Variants in DPP6 observed in about 807,000 individuals in gnomAD.
DPP6 encodes the protein dipeptidyl peptidase like 6.
A neutral mutation model predicts 122.6 loss-of-function variants in DPP6; 69 were observed. The ratio of observed to expected loss-of-function variants is 0.56; its 90% confidence interval spans 0.46 to 0.69. The LOEUF (loss-of-function observed/expected upper bound fraction) is 0.69, where lower values mean the gene tolerates loss of function less well. Ranked by LOEUF, DPP6 falls within the 30% of genes least tolerant of loss-of-function variation. The probability of loss-of-function intolerance (pLI) is 0.00; values close to 1 mark genes in which losing one functional copy is unlikely to be tolerated. For synonymous variants in DPP6, 418 were observed against 433.1 expected (o/e 0.97, Z 0.43); for missense variants, 928 against 1,116.9 (o/e 0.83, Z 2.41).
intron 1 of DPP6, among the ~76,000 whole-genome samples, chr7:154,154,810 C>T (rs73729288): frequency 0.023 from 3,510 of 152,312 alleles, 123 homozygotes; most frequent in African/African-American, 0.077. Flanking sequence ...TGCACACACA[C>T]CAAAGCTCAG....
intron 8 of DPP6, among the ~76,000 whole-genome samples, chr7:154,742,427 C>G (rs1842857545): frequency 6.6e-6 from 1 of 152,230 alleles, no homozygotes; most frequent in African/African-American, 2.4e-5. Context: ...TGATTTAAAA[C>G]TGCAGAAACA....
At chr7:153,809,312 A>G in the DPP6 span, among the ~76,000 whole-genome samples, 1 of 152,072 alleles carries the variant, frequency 6.6e-6, no homozygotes, top group African/African-American at 2.4e-5. Context: ...TCTGCTTTTC[A>G]GTGCCTTAAA....
chr7:154,677,731 A>G (rs1473233849), intron 7 of DPP6, among the ~76,000 whole-genome samples: 1 of 152,184 alleles, frequency 6.6e-6, no homozygotes, highest in Non-Finnish European at 1.5e-5. Context: ...AGCAGCACAG[A>G]GCCAGCGTGA....
intron 1 of DPP6, among the ~76,000 whole-genome samples, chr7:153,890,541 A>C (rs1218013982): frequency 6.6e-6 from 1 of 152,210 alleles, no homozygotes; most frequent in Non-Finnish European, 1.5e-5. Context: ...AAAATGTTTT[A>C]TTCCTCACAT....
intron 1 of DPP6, among the ~76,000 whole-genome samples, chr7:153,891,602 A>G (rs1799207433): frequency 6.6e-6 from 1 of 152,104 alleles, no homozygotes; most frequent in Non-Finnish European, 1.5e-5. Flanking sequence ...TAACAGAGGT[A>G]TATACTCTTG....
chr7:154,724,980 A>G (rs1841996356), intron 7 of DPP6, among the ~76,000 whole-genome samples: 1 of 152,234 alleles, frequency 6.6e-6, no homozygotes, highest in Admixed American at 6.5e-5. Flanking sequence ...TTTCTGAGAA[A>G]GACCTTGCCT....
At chr7:153,975,016 G>A (rs1294101185) in intron 1 of DPP6, among the ~76,000 whole-genome samples, 1 of 152,128 alleles carries the variant, frequency 6.6e-6, no homozygotes, top group Non-Finnish European at 1.5e-5. Flanking sequence ...TCCTGTTTCA[G>A]GGAATCCAAT....
intron 4 of DPP6, among the ~76,000 whole-genome samples, chr7:154,555,040 G>A (rs1460937703): frequency 2.6e-5 from 4 of 152,040 alleles, no homozygotes; most frequent in African/African-American, 7.3e-5. Flanking sequence ...CCAACCATCA[G>A]TGAAAACCAT....
At chr7:154,562,477 A>G (rs1312911912) in intron 4 of DPP6, among the ~76,000 whole-genome samples, 7 of 152,252 alleles carry the variant, frequency 4.6e-5, no homozygotes, top group Middle Eastern at 3.4e-3. Flanking sequence ...TATTAAAAAT[A>G]CCATAAATAT....
the DPP6 span, among the ~76,000 whole-genome samples, chr7:153,879,732 T>C: frequency 3.3e-5 from 5 of 152,330 alleles, no homozygotes; most frequent in African/African-American, 1.2e-4. Flanking sequence ...GTTTCTCTTT[T>C]CTATAACTCG....
the DPP6 span, among the ~76,000 whole-genome samples, chr7:153,822,178 A>T: frequency 9.9e-6 from 1 of 100,932 alleles, no homozygotes. Flanking sequence ...AAAGGGGGGG[A>T]ATCTTTTTTT....
At chr7:154,156,209 G>T (rs969054109) in intron 1 of DPP6, among the ~76,000 whole-genome samples, 23 of 152,384 alleles carry the variant, frequency 1.5e-4, no homozygotes, top group African/African-American at 4.6e-4. Flanking sequence ...AGGAGAGTGG[G>T]GAGGTGAGCT....
intron 11 of DPP6, 31 bp from the exon 12 acceptor site, chr7:154,795,814 C>A: frequency 1.9e-6 from 3 of 1,593,584 alleles, no homozygotes; most frequent in Non-Finnish European, 2.6e-6. Flanking sequence ...AAAGAAAAAC[C>A]CTCTTGTCTA....
At chr7:153,928,396 A>ATGTTTTT (rs1275067491) in intron 1 of DPP6, among the ~76,000 whole-genome samples, 2 of 43,672 alleles carry the variant, frequency 4.6e-5, no homozygotes, top group African/African-American at 1.6e-4. Flanking sequence ...CTTTTCTTTC[A>ATGTTTTT]TTTTTTTTTT....
intron 1 of DPP6, chr7:154,026,976 T>C (rs563907350): frequency 3.4e-5 from 5 of 146,762 alleles, no homozygotes; most frequent in African/African-American, 1.3e-4. Flanking sequence ...ATCCAACACA[T>C]AAAAAGAAAG....
Position 153,989,132 on chromosome 7 carries a change from C to T in DPP6, c.51+101398C>T, listed in dbSNP as rs370335553. On this transcript the variant is annotated intron_variant, in intron 1 of 25. Transcript: ENST00000404039. Reference sequence around the variant, plus strand: ...CTTGTGGGCGGAGGAGGGCGGCTCTCTGGTGTGCAGCACCGGGTGTGAGTG... The same window carrying T: ...CTTGTGGGCGGAGGAGGGCGGCTCTTTGGTGTGCAGCACCGGGTGTGAGTG... Among the ~76,000 whole-genome samples, 822 of 148,872 alleles carry T rather than the reference C, an allele frequency of 5.5e-3. 3 individuals are homozygous for T. The highest frequency in any genetic ancestry group is 8.9e-3 in the South Asian group (39 of 4,376).
At chr7:154,756,106 G>A (rs530984519) in intron 8 of DPP6, among the ~76,000 whole-genome samples, 6 of 152,338 alleles carry the variant, frequency 3.9e-5, no homozygotes, top group South Asian at 2.1e-4. Flanking sequence ...AGAGTGAGCC[G>A]TTTGCTCTTT....
chr7:154,770,942 A>G (rs1796214430), intron 9 of DPP6, among the ~76,000 whole-genome samples: 1 of 152,244 alleles, frequency 6.6e-6, no homozygotes, highest in South Asian at 2.1e-4. Flanking sequence ...GGCTTCTCCA[A>G]GACCCCTGGG....
Position 154,863,100 on chromosome 7 carries a change from C to G in DPP6, c.1715-4895C>G, listed in dbSNP as rs1233616291. ...TTTTCTTTGGAGAGATCAGGTCTCCCTATGTTGCCCAGGCTGGTCTCGGAC... is the reference window on the plus strand; with the variant it reads ...TTTTCTTTGGAGAGATCAGGTCTCCGTATGTTGCCCAGGCTGGTCTCGGAC... On this transcript the variant is annotated intron_variant, in intron 17 of 25. Transcript: ENST00000377770. This position sits in a 1 kb window ranked among gnomAD's most constrained non-coding sequence, Gnocchi z 4.1. Among the ~76,000 whole-genome samples the G allele has an allele frequency of 6.6e-6, 1 of 152,020 alleles. No individual in the cohort carries two copies. Among genetic ancestry groups the G allele is most frequent in the Non-Finnish European group, 1.5e-5 (1 of 68,004 alleles).
Sources: allele counts gnomAD v4.1 joint callset (sites outside exome capture counted in the v4.1 genomes callset), GRCh38; gene constraint gnomAD v4.1.1; non-coding constraint Gnocchi (gnomAD v3.1); transcripts MANE v1.5; gene names NCBI Gene and HGNC (gene_info 2026-07-23, HGNC 2026-07-21).